The following RNGTT variants were observed in gnomAD, a reference collection of about 807,000 sequenced individuals.
RNGTT encodes mRNA-capping enzyme.
A neutral mutation model predicts 79.3 loss-of-function variants in RNGTT; 33 were observed. The observed-to-expected ratio is 0.42, with a 90% CI of 0.32 to 0.56. RNGTT has a LOEUF of 0.56. RNGTT is among the 20% of genes least tolerant of loss of function. The pLI is 0.17. For synonymous variants in RNGTT, 222 were observed against 235.9 expected (o/e 0.94, Z 0.54); for missense variants, 497 against 739.1 (o/e 0.67, Z 3.80).
intron 13 of RNGTT, among the ~76,000 whole-genome samples, chr6:88,685,359 A>C (rs1775237273): frequency 6.6e-6 from 1 of 152,208 alleles, no homozygotes; most frequent in South Asian, 2.1e-4. Context: ...CAACATGATA[A>C]GGGAAACTGT....
intron 8 of RNGTT, among the ~76,000 whole-genome samples, chr6:88,885,847 T>C (rs1348644853): frequency 6.6e-6 from 1 of 152,196 alleles, no homozygotes; most frequent in Non-Finnish European, 1.5e-5. Context: ...CAACATTATG[T>C]GCCTCCTGAA....
In RNGTT at chr6:88,646,057, C is replaced by T. The variant is rs113603098; in HGVS notation, c.1507-31662G>A. On this transcript the variant is annotated intron_variant, in intron 14 of 15. Transcript: ENST00000369485. ...ACAGCAAAAGAAACTACCATCAGAGCGAACAGGCAACCTAAAGAAAATTTT... is the reference window on the plus strand; with the variant it reads ...ACAGCAAAAGAAACTACCATCAGAGTGAACAGGCAACCTAAAGAAAATTTT... Among the ~76,000 whole-genome samples the T allele has an allele frequency of 8.0e-4, 121 of 152,128 alleles. 1 individual carries two copies. Among genetic ancestry groups the T allele is most frequent in the South Asian group, 5.8e-3 (28 of 4,818 alleles).
chr6:88,924,774 G>C (rs914147465), intron 4 of RNGTT, among the ~76,000 whole-genome samples: 4 of 150,086 alleles, frequency 2.7e-5, no homozygotes, highest in African/African-American at 9.8e-5. Flanking sequence ...TGCCCAAGCT[G>C]GAGTGCAGGT....
chr6:88,705,802 T>C (rs1283462145), intron 13 of RNGTT, among the ~76,000 whole-genome samples: 1 of 152,122 alleles, frequency 6.6e-6, no homozygotes, highest in Non-Finnish European at 1.5e-5. Flanking sequence ...TTCCACTTCA[T>C]TTTCTGAAGT....
At chr6:88,954,874 C>T (rs1785374720) in intron 1 of RNGTT, among the ~76,000 whole-genome samples, 1 of 151,694 alleles carries the variant, frequency 6.6e-6, no homozygotes, top group Non-Finnish European at 1.5e-5. Flanking sequence ...AAAACCATGC[C>T]TCTACTAAAA....
intron 13 of RNGTT, among the ~76,000 whole-genome samples, chr6:88,740,568 A>G (rs1157027091): frequency 6.6e-6 from 1 of 151,728 alleles, no homozygotes; most frequent in Non-Finnish European, 1.5e-5. Context: ...AAGAATAAGA[A>G]TAAGATGCAG....
At chr6:88,647,701 T>G (rs7743198) in intron 14 of RNGTT, among the ~76,000 whole-genome samples, 1 of 100,892 alleles carries the variant, frequency 9.9e-6, no homozygotes, top group African/African-American at 5.1e-5. Context: ...GACACCCTGT[T>G]AAAAAAAAAA....
intron 8 of RNGTT, among the ~76,000 whole-genome samples, chr6:88,861,161 T>C (rs886111416): frequency 3.9e-5 from 6 of 152,168 alleles, no homozygotes; most frequent in African/African-American, 1.2e-4. Context: ...TTATTCCCAA[T>C]AGAATTGGCA....
intron 1 of RNGTT, among the ~76,000 whole-genome samples, chr6:88,960,230 G>T: frequency 6.6e-6 from 1 of 152,130 alleles, no homozygotes; most frequent in East Asian, 1.9e-4. Flanking sequence ...TAGCACCCAG[G>T]ACTAGCACAA....
At chr6:88,895,068 A>T (rs1406210366) in intron 6 of RNGTT, among the ~76,000 whole-genome samples, 3 of 152,254 alleles carry the variant, frequency 2.0e-5, no homozygotes, top group East Asian at 3.9e-4. Context: ...AGAAAAATCG[A>T]AAGTTAAAAA....
chr6:88,945,156 C>A (rs1235533416), intron 1 of RNGTT, among the ~76,000 whole-genome samples: 1 of 152,158 alleles, frequency 6.6e-6, no homozygotes, highest in Non-Finnish European at 1.5e-5. Context: ...GCCACGCTAT[C>A]CCCATTCTTT....
chr6:88,885,452 G>A lies in RNGTT; in HGVS notation c.896+5043C>T, dbSNP rs117439544. ...GATTATAACCCACAGAATATAATAC[G>A]TGTCTATGAGTCCACACTGATAGGA... On this transcript the variant is annotated intron_variant, in intron 8 of 15. Coordinates refer to ENST00000369485, the MANE Select transcript of RNGTT (RefSeq NM_003800.5). Among the ~76,000 whole-genome samples, 769 of 152,176 alleles carry A rather than the reference G, an allele frequency of 5.1e-3. 3 individuals are homozygous for A. The highest frequency in any genetic ancestry group is 8.4e-3 in the Admixed American group (129 of 15,300).
intron 14 of RNGTT, among the ~76,000 whole-genome samples, chr6:88,631,765 G>A (rs1048075302): frequency 3.3e-5 from 5 of 152,098 alleles, no homozygotes; most frequent in Non-Finnish European, 7.4e-5. Context: ...GAGGTTGGGA[G>A]AAAAGCATCC....
intron 14 of RNGTT, among the ~76,000 whole-genome samples, chr6:88,648,872 T>C (rs1319064542): frequency 9.8e-5 from 15 of 152,310 alleles, no homozygotes; most frequent in Non-Finnish European, 1.2e-4. Context: ...AGCGATTTCT[T>C]TGTAAATCAG....
At chr6:88,815,988 C>T (rs1028827521) in intron 11 of RNGTT, among the ~76,000 whole-genome samples, 23 of 151,880 alleles carry the variant, frequency 1.5e-4, no homozygotes, top group African/African-American at 5.6e-4. Context: ...TAAGCTAGGA[C>T]AGAAAGAGAA....
intron 14 of RNGTT, among the ~76,000 whole-genome samples, chr6:88,617,698 T>C (rs1772283547): frequency 6.6e-6 from 1 of 152,206 alleles, no homozygotes; most frequent in Admixed American, 6.5e-5. Context: ...AATTTTAAGA[T>C]AGTTTTTTAA....
intron 13 of RNGTT, among the ~76,000 whole-genome samples, chr6:88,691,211 T>G (rs1202157932): frequency 1.3e-5 from 2 of 152,096 alleles, no homozygotes; most frequent in Non-Finnish European, 2.9e-5. Flanking sequence ...TGTTTAAAAG[T>G]GTGTAGCACC....
intron 14 of RNGTT, among the ~76,000 whole-genome samples, chr6:88,671,610 A>G (rs994545437): frequency 6.6e-6 from 1 of 152,216 alleles, no homozygotes; most frequent in South Asian, 2.1e-4. Flanking sequence ...CAATCCTAAA[A>G]GTCATATGGA....
Position 88,962,085 on chromosome 6 carries a change from T to C in RNGTT, c.64+1261A>G, listed in dbSNP as rs538409602. ...CACCCCAAGAAGAGTACTCACTATA[T>C]GTTTCCATTTATTTAAAAATTTCTA... is the stretch of plus-strand genomic sequence containing the variant. On this transcript the variant is annotated intron_variant, in intron 1 of 15. Transcript: ENST00000369485. 8.6e-4 allele frequency among the ~76,000 whole-genome samples: 131 copies of C among 152,336 alleles called. 2 individuals are homozygous for C. The highest frequency in any genetic ancestry group is 3.0e-3 in the African/African-American group (126 of 41,580).
Sources: allele counts gnomAD v4.1 joint callset (sites outside exome capture counted in the v4.1 genomes callset), GRCh38; gene constraint gnomAD v4.1.1; transcripts MANE v1.5; gene names NCBI Gene and HGNC (gene_info 2026-07-23, HGNC 2026-07-21).